The following SLC22A3 variants were observed in gnomAD, a reference collection of about 807,000 sequenced individuals.
SLC22A3 encodes solute carrier family 22 member 3.
A neutral mutation model predicts 59.1 loss-of-function variants in SLC22A3; 51 were observed. The observed-to-expected ratio is 0.86, with a 90% confidence interval of 0.69 to 1.09. SLC22A3 has a LOEUF of 1.09. Ranked by LOEUF, SLC22A3 falls within the 50% of genes least tolerant of loss-of-function variation. SLC22A3 has a pLI of 0.00. For synonymous variants in SLC22A3, 325 were observed against 292.0 expected (o/e 1.11, Z -1.15); for missense variants, 711 against 726.3 (o/e 0.98, Z 0.24).
In SLC22A3 at chr6:160,420,838, C is replaced by A. The variant is rs146615010; in HGVS notation, c.975+9992C>A. Among the ~76,000 whole-genome samples the A allele has an allele frequency of 3.0e-4, 45 of 152,310 alleles. 1 individual carries two copies. In the East Asian group the frequency reaches 8.3e-3, roughly 28 times the overall value. On this transcript the variant is annotated intron_variant, in intron 5 of 10. Coordinates refer to ENST00000275300, the MANE Select transcript of SLC22A3 (RefSeq NM_021977.4). ...GGGCCCTGATGCCTAGAAGAAGACA[C>A]GGGATTCCCGCCTGGCTGGAGGATG...
At chr6:160,450,235 C>A (rs1418308099) in intron 10 of SLC22A3, among the ~76,000 whole-genome samples, 1 of 152,124 alleles carries the variant, frequency 6.6e-6, no homozygotes, top group Non-Finnish European at 1.5e-5. Flanking sequence ...TTATAGACCT[C>A]CCCCTAGGAA....
At chr6:160,441,187 T>A (rs1340518167) in intron 7 of SLC22A3, among the ~76,000 whole-genome samples, 1 of 152,176 alleles carries the variant, frequency 6.6e-6, no homozygotes, top group Non-Finnish European at 1.5e-5. Context: ...TGGCAGGAGA[T>A]GGTCCCATCG....
chr6:160,439,352 T>G (rs1788461350), intron 7 of SLC22A3, among the ~76,000 whole-genome samples: 1 of 152,194 alleles, frequency 6.6e-6, no homozygotes, highest in African/African-American at 2.4e-5. Flanking sequence ...GAATGAAATA[T>G]TCATTGTATA....
intron 1 of SLC22A3, among the ~76,000 whole-genome samples, chr6:160,362,287 A>G (rs1320151653): frequency 6.6e-6 from 1 of 152,212 alleles, no homozygotes; most frequent in Non-Finnish European, 1.5e-5. Flanking sequence ...TGGGCAATCC[A>G]CAGTTTGTAG....
At position 160,348,813 on chromosome 6, in the gene SLC22A3, C is replaced by T. The variant is rs1029965187; in HGVS notation, c.394C>T (p.Arg132Cys). 4 of 1,580,148 alleles carry T rather than the reference C, an allele frequency of 2.5e-6. No homozygotes were observed. Among genetic ancestry groups the T allele is most frequent in the South Asian group, 2.3e-5 (2 of 87,728 alleles). Reference sequence around the variant, plus strand: ...CCTTGTGCCGTGCCGCGGCGGCTGGCGCTACGCCCAGGCCCACTCCACCAT... The same window carrying T: ...CCTTGTGCCGTGCCGCGGCGGCTGGTGCTACGCCCAGGCCCACTCCACCAT... ...APLVPCRGGW[R>C]YAQAHSTIVS... Residue 132 changes from arginine (R) to cysteine (C), a missense_variant, in exon 1 of 11, where the codon CGC (arginine) becomes TGC (cysteine). Arg to Cys is a radical substitution (Grantham distance 180). Coordinates refer to ENST00000275300, the MANE Select transcript of SLC22A3 (RefSeq NM_021977.4).
At chr6:160,431,733 G>T (rs1788157073) in intron 5 of SLC22A3, among the ~76,000 whole-genome samples, 1 of 151,648 alleles carries the variant, frequency 6.6e-6, no homozygotes, top group South Asian at 2.1e-4. Flanking sequence ...TTAACTATTT[G>T]CTAAAAAAAA....
chr6:160,447,599 G>A (rs1788792780), intron 9 of SLC22A3, 120 bp from the exon 10 acceptor site: 1 of 803,052 alleles, frequency 1.2e-6, no homozygotes, highest in Admixed American at 1.8e-5. Flanking sequence ...GGATGCAGAG[G>A]TTGCTGTGGT....
intron 1 of SLC22A3, among the ~76,000 whole-genome samples, chr6:160,380,479 TCA>T (rs1047946903): frequency 6.6e-6 from 1 of 152,126 alleles, no homozygotes; most frequent in South Asian, 2.1e-4. Context: ...TATAAAAGAT[TCA>T]CAGACTCACA....
intron 1 of SLC22A3, among the ~76,000 whole-genome samples, chr6:160,359,234 G>A (rs1784939677): frequency 6.6e-6 from 1 of 152,174 alleles, no homozygotes; most frequent in South Asian, 2.1e-4. Context: ...ATGAAATGAA[G>A]ACACAGCAGT....
At chr6:160,433,832 G>A (rs1169606759) in intron 5 of SLC22A3, among the ~76,000 whole-genome samples, 1 of 152,160 alleles carries the variant, frequency 6.6e-6, no homozygotes, top group Non-Finnish European at 1.5e-5. Context: ...ACTTGAGTGA[G>A]AGTGAATTTG....
chr6:160,430,832 C>T (rs1454789262), intron 5 of SLC22A3, among the ~76,000 whole-genome samples: 1 of 152,116 alleles, frequency 6.6e-6, no homozygotes, highest in Non-Finnish European at 1.5e-5. Context: ...TATGACAAAA[C>T]GGGACGCCAA....
rs1583511852 is a variant in SLC22A3 at position 160,436,652 on chromosome 6, T to C, written c.976-128T>C. ...AGCAGAAGTGTTTTAATTGTCAGGT[T>C]TTAAGATATTATGAAAGCCCCTAGT... On this transcript the variant is annotated intron_variant, in intron 5 of 10. Transcript: ENST00000275300. 8 of 671,864 alleles carry C rather than the reference T, an allele frequency of 1.2e-5. No homozygotes were observed. In the East Asian group the frequency reaches 2.2e-4, roughly 18 times the overall value. 41.6% of individuals were successfully genotyped at this position (671,864 alleles called of 1,614,324 possible).
intron 1 of SLC22A3, among the ~76,000 whole-genome samples, chr6:160,356,811 C>A (rs1337178434): frequency 1.3e-5 from 2 of 152,106 alleles, no homozygotes; most frequent in East Asian, 1.9e-4. Context: ...GACTGTTGAG[C>A]TTGTCAAATC....
rs1787051719 is a variant in SLC22A3, at chr6:160,407,162, G to C, written c.655G>C (p.Gly219Arg). 3 of 1,611,776 alleles carry C rather than the reference G, an allele frequency of 1.9e-6. No individual in the cohort carries two copies. The highest frequency in any genetic ancestry group is 2.5e-6 in the Non-Finnish European group (3 of 1,178,792). Reference sequence around the variant, plus strand: ...CTTCCGCTTCCTGCAAGGTGTATTTGGAAAGGGGACGTGGATGACTTGCTA... The same window carrying C: ...CTTCCGCTTCCTGCAAGGTGTATTTCGAAAGGGGACGTGGATGACTTGCTA... Reference protein sequence around the residue: ...VIFRFLQGVFGKGTWMTCYVI... With the variant: ...VIFRFLQGVFRKGTWMTCYVI... The change falls in exon 3 of 11, where the codon GGA becomes CGA. Residue 219 changes from glycine to arginine, a missense_variant. Physicochemically the swap from Gly to Arg is moderately radical, Grantham distance 125. Transcript: ENST00000275300.
intron 1 of SLC22A3, among the ~76,000 whole-genome samples, chr6:160,359,141 G>A (rs1168581067): frequency 1.3e-5 from 2 of 152,218 alleles, no homozygotes; most frequent in Non-Finnish European, 2.9e-5. Context: ...TATAGGCAAT[G>A]AAAACATCAG....
chr6:160,381,533 C>G (rs772776454), intron 1 of SLC22A3, among the ~76,000 whole-genome samples: 5 of 152,084 alleles, frequency 3.3e-5, no homozygotes, highest in Non-Finnish European at 5.9e-5. Flanking sequence ...TGTTTAAACA[C>G]TAATAGTTAA....
At chr6:160,379,387 AG>A (rs1785715213) in intron 1 of SLC22A3, among the ~76,000 whole-genome samples, 1 of 152,192 alleles carries the variant, frequency 6.6e-6, no homozygotes, top group African/African-American at 2.4e-5. Context: ...AATTTCTAGT[AG>A]CAAAAGAATA....
intron 5 of SLC22A3, among the ~76,000 whole-genome samples, chr6:160,420,683 T>C (rs552654689): frequency 2.0e-5 from 3 of 152,096 alleles, no homozygotes; most frequent in Non-Finnish European, 2.9e-5. Context: ...ACCAAAAAAA[T>C]GTCTCAGGCA....
intron 5 of SLC22A3, among the ~76,000 whole-genome samples, chr6:160,417,601 C>A (rs1198550682): frequency 6.6e-6 from 1 of 152,210 alleles, no homozygotes; most frequent in Non-Finnish European, 1.5e-5. Flanking sequence ...CATTTTCCCT[C>A]ATTTCCAAGG....
Sources: gnomAD v4.1 joint callset for allele counts (sites outside exome capture counted in the v4.1 genomes callset) on GRCh38, gnomAD v4.1.1 for gene constraint, MANE v1.5 for transcripts, NCBI Gene and HGNC (gene_info 2026-07-23, HGNC 2026-07-21) for gene names.